AKAP6: variants seen among roughly 807,000 people sequenced by gnomAD.
AKAP6 encodes A-kinase anchoring protein 6.
AKAP6 carries 58 observed loss-of-function variants against 188.5 expected under a neutral mutation model. The observed-to-expected ratio is 0.31, with a 90% CI of 0.25 to 0.38. AKAP6 has a LOEUF of 0.38. Among genes scored for constraint, AKAP6 ranks in the 10% least tolerant of loss-of-function variants. The probability of loss-of-function intolerance (pLI) is 1.00; values close to 1 mark genes in which losing one functional copy is unlikely to be tolerated. For missense variants in AKAP6, 2,710 were observed against 2,740.0 expected (o/e 0.99, Z 0.24); for synonymous variants, 989 against 998.6 (o/e 0.99, Z 0.18).
rs145181292 is a variant in AKAP6 at position 32,687,808 on chromosome 14, A to G, written c.2880-8182A>G. ...GTAGGCTACAGTCAAAAGGATTAAA[A>G]TGTGCCTGGCTGCTTCCTGGATAAA... On this transcript the variant is annotated intron_variant, in intron 8 of 13. Coordinates refer to ENST00000280979, the MANE Select transcript of AKAP6 (RefSeq NM_004274.5). Among the ~76,000 whole-genome samples the G allele has an allele frequency of 2.3e-3, 346 of 152,198 alleles. 1 individual carries two copies. The highest frequency in any genetic ancestry group is 7.9e-3 in the African/African-American group (327 of 41,542).
intron 5 of AKAP6, among the ~76,000 whole-genome samples, chr14:32,595,367 T>G: frequency 6.6e-6 from 1 of 152,126 alleles, no homozygotes; most frequent in East Asian, 1.9e-4. Context: ...CATGCTATAA[T>G]GTAGGATTAT....
chr14:32,652,124 G>A (rs1440112392), intron 7 of AKAP6, among the ~76,000 whole-genome samples: 1 of 152,108 alleles, frequency 6.6e-6, no homozygotes, highest in Non-Finnish European at 1.5e-5. Flanking sequence ...CTAGAAGACT[G>A]CTAGTTTTAT....
intron 1 of AKAP6, among the ~76,000 whole-genome samples, chr14:32,334,014 C>T (rs1306207471): frequency 6.6e-6 from 1 of 152,120 alleles, no homozygotes; most frequent in Non-Finnish European, 1.5e-5. Flanking sequence ...TCTAATCGCC[C>T]TAGTGTGCCT....
chr14:32,578,226 G>A (rs2139270231), intron 5 of AKAP6, among the ~76,000 whole-genome samples: 1 of 152,208 alleles, frequency 6.6e-6, no homozygotes, highest in South Asian at 2.1e-4. Context: ...GATGGAGAGG[G>A]AGAAAAGAGG....
chr14:32,543,048 G>A (rs1883034242), intron 3 of AKAP6, among the ~76,000 whole-genome samples: 1 of 152,092 alleles, frequency 6.6e-6, no homozygotes, highest in African/African-American at 2.4e-5. Context: ...CTTCATGTTG[G>A]GAACATTCAA....
At chr14:32,609,799 G>C (rs996275591) in intron 7 of AKAP6, among the ~76,000 whole-genome samples, 4 of 151,794 alleles carry the variant, frequency 2.6e-5, no homozygotes, top group Non-Finnish European at 4.4e-5. Context: ...TGTCTTTAGG[G>C]GCATTGGTTC....
chr14:32,758,872 G>A (rs1456078260), intron 11 of AKAP6, among the ~76,000 whole-genome samples: 1 of 152,160 alleles, frequency 6.6e-6, no homozygotes, highest in Non-Finnish European at 1.5e-5. Context: ...AGGCTCCTCT[G>A]GCATTGGAAC....
At chr14:32,379,293 A>G (rs1460660060) in intron 1 of AKAP6, among the ~76,000 whole-genome samples, 1 of 152,158 alleles carries the variant, frequency 6.6e-6, no homozygotes, top group Admixed American at 6.5e-5. Flanking sequence ...ATCTCATTAA[A>G]TACTTTGGAG....
intron 1 of AKAP6, among the ~76,000 whole-genome samples, chr14:32,353,827 G>C (rs1887381019): frequency 6.6e-6 from 1 of 152,018 alleles, no homozygotes; most frequent in Admixed American, 6.6e-5. Context: ...GACAAACAGA[G>C]AGCCAAATCA....
At chr14:32,424,324 C>G (rs1889957467) in intron 1 of AKAP6, among the ~76,000 whole-genome samples, 1 of 151,812 alleles carries the variant, frequency 6.6e-6, no homozygotes, top group African/African-American at 2.4e-5. Context: ...TTTCTTGGCC[C>G]CATCAAGCTT....
chr14:32,721,547 T>C (rs1032882475), intron 9 of AKAP6, among the ~76,000 whole-genome samples: 6 of 152,216 alleles, frequency 3.9e-5, no homozygotes, highest in Non-Finnish European at 5.9e-5. Context: ...ATGAAACGCC[T>C]CTCTAAAGTA....
At chr14:32,811,064 C>G (rs531064097) in intron 12 of AKAP6, among the ~76,000 whole-genome samples, 1 of 151,500 alleles carries the variant, frequency 6.6e-6, no homozygotes, top group African/African-American at 2.4e-5. Flanking sequence ...ATGGAGAAAC[C>G]CCGTCTCTAC....
intron 8 of AKAP6, chr14:32,693,858 A>T (rs1242388941): frequency 6.6e-6 from 1 of 152,208 alleles, no homozygotes; most frequent in Non-Finnish European, 1.5e-5. Context: ...AGGGACTGTA[A>T]TTCAGGAAGT....
Position 32,786,296 on chromosome 14 carries a change from A to ATGTTTTTTTTTTTTTGTTT in AKAP6, c.3588+12404_3588+12405insGTTTTTTTTTTTTTGTTTT. Among the ~76,000 whole-genome samples, 23 of 93,716 alleles carry ATGTTTTTTTTTTTTTGTTT rather than the reference A, an allele frequency of 2.5e-4. 2 individuals are homozygous for ATGTTTTTTTTTTTTTGTTT. Among genetic ancestry groups the ATGTTTTTTTTTTTTTGTTT allele is most frequent in the African/African-American group, 4.5e-4 (11 of 24,390 alleles). 61.5% of individuals were successfully genotyped at this position (93,716 alleles called of 152,430 possible). On this transcript the variant is annotated intron_variant, in intron 12 of 13. Coordinates refer to ENST00000280979, the MANE Select transcript of AKAP6 (RefSeq NM_004274.5). ...AGCCCTCTGAAAGACCTAAACCTTT[A>ATGTTTTTTTTTTTTTGTTT]TCTTTTTTTTTTTTTTTTTTTTTTT... is the stretch of plus-strand genomic sequence containing the variant.
chr14:32,493,740 A>C (rs1880160707), intron 2 of AKAP6, among the ~76,000 whole-genome samples: 1 of 152,114 alleles, frequency 6.6e-6, no homozygotes, highest in African/African-American at 2.4e-5. Flanking sequence ...TGATTCTATA[A>C]TATTCCAGAA....
chr14:32,427,022 C>T (rs566219057), intron 1 of AKAP6, among the ~76,000 whole-genome samples: 16 of 152,094 alleles, frequency 1.1e-4, no homozygotes, highest in African/African-American at 3.6e-4. Flanking sequence ...TGCCGAGGGG[C>T]ACAGCTGTAC....
chr14:32,713,700 GCCTTC>G (rs2030021553), intron 9 of AKAP6, among the ~76,000 whole-genome samples: 1 of 151,946 alleles, frequency 6.6e-6, no homozygotes, highest in African/African-American at 2.4e-5. Context: ...ACCTCTCTTA[GCCTTC>G]ATAGAATTAA....
At chr14:32,500,576 T>C (rs984851680) in intron 2 of AKAP6, among the ~76,000 whole-genome samples, 1 of 152,112 alleles carries the variant, frequency 6.6e-6, no homozygotes, top group African/African-American at 2.4e-5. Context: ...CTACCCAGAA[T>C]TGGTATGGTG....
intron 1 of AKAP6, among the ~76,000 whole-genome samples, chr14:32,333,372 A>G (rs1886592899): frequency 6.6e-6 from 1 of 152,154 alleles, no homozygotes; most frequent in Non-Finnish European, 1.5e-5. Context: ...ATAAATATTT[A>G]TTGAATATCT....
Sources: gnomAD v4.1 joint callset for allele counts (sites outside exome capture counted in the v4.1 genomes callset) on GRCh38, gnomAD v4.1.1 for gene constraint, MANE v1.5 for transcripts, NCBI Gene and HGNC (gene_info 2026-07-23, HGNC 2026-07-21) for gene names.